NELL1: variants seen among roughly 807,000 people sequenced by gnomAD.
NELL1 encodes the protein neural EGFL like 1, also known as protein kinase C-binding protein NELL1.
NELL1 carries 76 observed loss-of-function variants against 107.4 expected under a neutral mutation model. That is an observed-to-expected ratio of 0.71 (90% CI 0.59 to 0.86). NELL1 has a LOEUF of 0.86. NELL1 is among the 40% of genes least tolerant of loss of function. The probability of loss-of-function intolerance (pLI) is 0.00; values close to 1 mark genes in which losing one functional copy is unlikely to be tolerated. For synonymous variants in NELL1, 353 were observed against 341.2 expected, an observed-to-expected ratio of 1.03 and a Z score of -0.38; for missense variants, 1,024 against 1,005.5, an observed-to-expected ratio of 1.02 and a Z score of -0.25.
chr11:21,437,141 G>A (rs774936392), intron 15 of NELL1, among the ~76,000 whole-genome samples: 8 of 152,142 alleles, frequency 5.3e-5, no homozygotes, highest in Non-Finnish European at 8.8e-5. Flanking sequence ...GATCTATAGT[G>A]AAGTTTTAAT....
At chr11:20,772,611 C>CCA (rs1205066116) in intron 2 of NELL1, among the ~76,000 whole-genome samples, 1 of 52,802 alleles carries the variant, frequency 1.9e-5, no homozygotes, top group African/African-American at 5.7e-5. Flanking sequence ...ATATTAGGCA[C>CCA]TTTTCATTCA....
chr11:21,540,158 A>C (rs1298374078), intron 16 of NELL1, among the ~76,000 whole-genome samples: 1 of 152,118 alleles, frequency 6.6e-6, no homozygotes, highest in Non-Finnish European at 1.5e-5. Context: ...TATCACCTTG[A>C]GTATTTATCA....
chr11:21,041,726 G>C (rs1189575580), intron 12 of NELL1, among the ~76,000 whole-genome samples: 1 of 152,210 alleles, frequency 6.6e-6, no homozygotes, highest in Non-Finnish European at 1.5e-5. Flanking sequence ...TATTCTAATA[G>C]TCCTTAAATA....
At chr11:21,210,988 G>T (rs543132149) in intron 13 of NELL1, among the ~76,000 whole-genome samples, 1 of 152,060 alleles carries the variant, frequency 6.6e-6, no homozygotes, top group Admixed American at 6.6e-5. Flanking sequence ...CTTTTATAAA[G>T]GGGTATTTGT....
chr11:21,336,256 A>C (rs1407462563), intron 14 of NELL1, among the ~76,000 whole-genome samples: 1 of 152,006 alleles, frequency 6.6e-6, no homozygotes, highest in Non-Finnish European at 1.5e-5. Context: ...ACAAATACTT[A>C]GTGTTTACTG....
At position 20,674,495 on chromosome 11, in the gene NELL1, A is replaced by T. The variant is rs542995213; in HGVS notation, c.56-3437A>T. ...AACATGAAATTTCCTACAGCAGAAG[A>T]TATGAAGCCACCCGTGTTATCGCTG... On this transcript the variant is annotated intron_variant, in intron 1 of 19. Coordinates refer to ENST00000357134, the MANE Select transcript of NELL1 (RefSeq NM_006157.5). 348 of 1,535,940 alleles carry T rather than the reference A, an allele frequency of 2.3e-4. 1 individual carries two copies. The highest frequency in any genetic ancestry group is 2.9e-4 in the Non-Finnish European group (330 of 1,146,846).
chr11:21,256,680 T>C (rs1041299951), intron 14 of NELL1, among the ~76,000 whole-genome samples: 5 of 152,094 alleles, frequency 3.3e-5, no homozygotes. Context: ...ACTCACATAG[T>C]GTCTGTCTTT....
intron 15 of NELL1, among the ~76,000 whole-genome samples, chr11:21,472,436 A>G (rs1854207468): frequency 6.6e-6 from 1 of 151,884 alleles, no homozygotes; most frequent in Admixed American, 6.6e-5. Context: ...TACTCATTCT[A>G]TTGTTATTGA....
At chr11:20,783,564 C>A in intron 2 of NELL1, 116 bp from the exon 3 acceptor site, 2 of 665,412 alleles carry the variant, frequency 3.0e-6, no homozygotes, top group Non-Finnish European at 4.8e-6. Context: ...AACCATGGAT[C>A]TTTTTTCCTC....
At chr11:21,344,387 C>T (rs1276143589) in intron 14 of NELL1, among the ~76,000 whole-genome samples, 4 of 152,104 alleles carry the variant, frequency 2.6e-5, no homozygotes, top group Non-Finnish European at 4.4e-5. Flanking sequence ...GGGCACTGGG[C>T]TTGAAATCTG....
intron 15 of NELL1, among the ~76,000 whole-genome samples, chr11:21,442,941 C>A (rs963168301): frequency 3.4e-5 from 2 of 58,704 alleles, no homozygotes; most frequent in Admixed American, 1.9e-4. Flanking sequence ...TGCTATCTTT[C>A]CTTTTTTTTT....
chr11:21,194,074 G>C (rs1030266018), intron 13 of NELL1, among the ~76,000 whole-genome samples: 4 of 151,798 alleles, frequency 2.6e-5, no homozygotes, highest in Non-Finnish European at 4.4e-5. Flanking sequence ...AAATGACAGT[G>C]ATGGAACTCA....
At chr11:21,222,880 A>C (rs989326922) in intron 13 of NELL1, among the ~76,000 whole-genome samples, 22 of 151,820 alleles carry the variant, frequency 1.4e-4, no homozygotes, top group Non-Finnish European at 2.8e-4. Flanking sequence ...ATTGATTTCT[A>C]GTTTTGTTCC....
intron 12 of NELL1, among the ~76,000 whole-genome samples, chr11:21,107,567 G>A (rs527511033): frequency 2.6e-5 from 4 of 152,208 alleles, no homozygotes; most frequent in East Asian, 1.9e-4. Flanking sequence ...AGATGTCAAC[G>A]CAGTTGACAC....
At chr11:20,789,530 GCTCTT>G (rs1172342830) in intron 3 of NELL1, among the ~76,000 whole-genome samples, 2 of 152,212 alleles carry the variant, frequency 1.3e-5, no homozygotes, top group African/African-American at 4.8e-5. Context: ...AAGGGCTGCA[GCTCTT>G]CTCTTCTCTC....
rs577036968 is a variant in NELL1 at position 21,169,903 on chromosome 11, G to A, written c.1426+56189G>A. ...CAGCACTGGCAGATGTCCCCAGGTC[G>A]TCCACCGATGCCTTTTATGGCAGGA... On this transcript the variant is annotated intron_variant, in intron 13 of 19. Transcript: ENST00000357134. 147 of 1,455,222 alleles carry A rather than the reference G, an allele frequency of 1.0e-4. 1 individual carries two copies. The highest frequency in any genetic ancestry group is 3.0e-4 in the East Asian group (13 of 43,876). 90.1% of individuals were successfully genotyped at this position (1,455,222 alleles called of 1,614,324 possible). A position where few individuals can be genotyped will look rare whatever the true frequency, so the allele number is the denominator to read the frequency against.
chr11:20,782,120 G>T (rs2133980783), intron 2 of NELL1, among the ~76,000 whole-genome samples: 1 of 152,008 alleles, frequency 6.6e-6, no homozygotes, highest in Admixed American at 6.6e-5. Context: ...AGAGTGATTT[G>T]CTCACACATT....
chr11:21,048,391 A>G (rs1853408677), intron 12 of NELL1, among the ~76,000 whole-genome samples: 1 of 152,110 alleles, frequency 6.6e-6, no homozygotes, highest in African/African-American at 2.4e-5. Context: ...TGTTTTTCAT[A>G]CCTTTGGGTC....
intron 15 of NELL1, among the ~76,000 whole-genome samples, chr11:21,382,103 C>A (rs1356176868): frequency 1.3e-5 from 2 of 151,658 alleles, no homozygotes; most frequent in Non-Finnish European, 2.9e-5. Context: ...TTCGTTGATT[C>A]CTCAAATTGA....
Sources: gnomAD v4.1 joint callset for allele counts (sites outside exome capture counted in the v4.1 genomes callset) on GRCh38, gnomAD v4.1.1 for gene constraint, MANE v1.5 for transcripts, NCBI Gene and HGNC (gene_info 2026-07-23, HGNC 2026-07-21) for gene names.